LOC400499: variants seen among roughly 807,000 people sequenced by gnomAD.
At chr16:11,451,528 G>A in the LOC400499 span, among the ~76,000 whole-genome samples, 1 of 151,582 alleles carries the variant, frequency 6.6e-6, no homozygotes, top group East Asian at 1.9e-4. Flanking sequence ...TCCAGCCTGG[G>A]CAACAGAGGG....
At chr16:11,484,996 G>A in the LOC400499 span, 4,260 of 399,012 alleles carry the variant, frequency 0.011, 160 homozygotes, top group African/African-American at 0.08. Flanking sequence ...GCTCTCTCCC[G>A]TCTTCCTGAC....
chr16:11,485,179 G>A, the LOC400499 span: 3 of 397,684 alleles, frequency 7.5e-6, no homozygotes, highest in Non-Finnish European at 1.3e-5. Flanking sequence ...GCTTGAGCAC[G>A]GCACTCCAGG....
the LOC400499 span, among the ~76,000 whole-genome samples, chr16:11,521,398 A>G: frequency 1.3e-5 from 2 of 152,178 alleles, no homozygotes; most frequent in Non-Finnish European, 2.9e-5. Context: ...GAAAATCTCA[A>G]TGAAAAGAAA....
the LOC400499 span, chr16:11,385,062 A>G: frequency 8.1e-7 from 1 of 1,232,164 alleles, no homozygotes; most frequent in Non-Finnish European, 1.0e-6. Flanking sequence ...TACAGCCTGT[A>G]GGCCTGTGGG....
chr16:11,500,889 G>A, the LOC400499 span: 1,120 of 399,144 alleles, frequency 2.8e-3, 11 homozygotes, highest in African/African-American at 0.021. Flanking sequence ...TGCCTCCACC[G>A]CGGCTGATGC....
At chr16:11,487,437 G>A in the LOC400499 span, 11 of 398,476 alleles carry the variant, frequency 2.8e-5, no homozygotes, top group Non-Finnish European at 4.9e-5. Flanking sequence ...ACAGAGTGGG[G>A]TCTGGCTATT....
chr16:11,448,176 A>T, the LOC400499 span: 1 of 1,368,070 alleles, frequency 7.3e-7, no homozygotes, highest in Non-Finnish European at 9.7e-7. Context: ...CCTGCCCATC[A>T]CCCCCAGAAA....
the LOC400499 span, among the ~76,000 whole-genome samples, chr16:11,416,980 T>C: frequency 2.0e-5 from 3 of 152,220 alleles, no homozygotes; most frequent in East Asian, 5.8e-4. Context: ...TACTGTATTG[T>C]GCTCTCGTGT....
At chr16:11,381,614 C>A in the LOC400499 span, among the ~76,000 whole-genome samples, 1 of 152,186 alleles carries the variant, frequency 6.6e-6, no homozygotes, top group African/African-American at 2.4e-5. Context: ...AAATGAACGT[C>A]GGTGGATCCC....
At chr16:11,510,066 T>C in the LOC400499 span, among the ~76,000 whole-genome samples, 1 of 151,550 alleles carries the variant, frequency 6.6e-6, no homozygotes, top group Non-Finnish European at 1.5e-5. Context: ...TGCTTCCTAA[T>C]AAAGATGGGT....
At chr16:11,455,950 A>G in the LOC400499 span, among the ~76,000 whole-genome samples, 1 of 152,088 alleles carries the variant, frequency 6.6e-6, no homozygotes, top group African/African-American at 2.4e-5. Flanking sequence ...AGCTTCGACA[A>G]TGAGCAACTC....
At chr16:11,399,356 C>T in the LOC400499 span, 1 of 880,254 alleles carries the variant, frequency 1.1e-6, no homozygotes, top group Non-Finnish European at 1.5e-6. Context: ...AAGTAAGTTG[C>T]CCAGGATCCC....
At chr16:11,477,489 G>C in the LOC400499 span, among the ~76,000 whole-genome samples, 1 of 152,210 alleles carries the variant, frequency 6.6e-6, no homozygotes, top group Non-Finnish European at 1.5e-5. Context: ...AGGCTTGGTT[G>C]GTCGGGAGGG....
At chr16:11,433,538 C>G in the LOC400499 span, among the ~76,000 whole-genome samples, 14 of 152,134 alleles carry the variant, frequency 9.2e-5, no homozygotes, top group Non-Finnish European at 1.8e-4. Context: ...AGCTCCTAAT[C>G]CCTTGGAACT....
chr16:11,446,420 G>A, the LOC400499 span: 56 of 808,318 alleles, frequency 6.9e-5, no homozygotes, highest in Admixed American at 1.6e-4. Context: ...AGCCTCCTGC[G>A]TAGCTAAGAT....
chr16:11,502,746 C>G, the LOC400499 span, among the ~76,000 whole-genome samples: 2 of 151,582 alleles, frequency 1.3e-5, no homozygotes, highest in Non-Finnish European at 2.9e-5. Flanking sequence ...TCCTGAGTAG[C>G]TGGGATTACA....
At chr16:11,458,791 T>C in the LOC400499 span, among the ~76,000 whole-genome samples, 1 of 151,958 alleles carries the variant, frequency 6.6e-6, no homozygotes, top group Non-Finnish European at 1.5e-5. Context: ...ACCCAGCACT[T>C]TGGGAGGCTG....
the LOC400499 span, among the ~76,000 whole-genome samples, chr16:11,485,424 G>T: frequency 2.5e-4 from 38 of 152,262 alleles, no homozygotes; most frequent in African/African-American, 8.7e-4. Flanking sequence ...TTCCTCGAAA[G>T]ATCCAGGATG....
At chr16:11,375,396 C>T in the LOC400499 span, among the ~76,000 whole-genome samples, 2 of 139,468 alleles carry the variant, frequency 1.4e-5, 1 homozygote, top group African/African-American at 5.8e-5. Context: ...TCACTGCAAC[C>T]TCTGCCTCCC....
Sources: allele counts gnomAD v4.1 joint callset (sites outside exome capture counted in the v4.1 genomes callset), GRCh38; gene constraint gnomAD v4.1.1; transcripts MANE v1.5.